The following GALNTL6 variants were observed in gnomAD, a reference collection of about 807,000 sequenced individuals.
GALNTL6 encodes the protein polypeptide N-acetylgalactosaminyltransferase-like 6.
Under a neutral mutation model 73.7 loss-of-function variants are expected in GALNTL6, and 46 were observed. That is an observed-to-expected ratio of 0.62 (90% confidence interval 0.49 to 0.80). The LOEUF (loss-of-function observed/expected upper bound fraction) is 0.80. Ranked by LOEUF, GALNTL6 falls within the 30% of genes least tolerant of loss-of-function variation. The probability of loss-of-function intolerance (pLI) is 0.00; values close to 1 mark genes in which losing one functional copy is unlikely to be tolerated. For synonymous variants in GALNTL6, 259 were observed against 263.7 expected (o/e 0.98, Z 0.17); for missense variants, 604 against 755.0 (o/e 0.80, Z 2.34).
intron 5 of GALNTL6, among the ~76,000 whole-genome samples, chr4:172,714,282 T>C (rs1197657598): frequency 6.8e-6 from 1 of 147,472 alleles, no homozygotes; most frequent in Non-Finnish European, 1.5e-5. Context: ...TCAGTTATAA[T>C]TTTACAGTGG....
At chr4:172,275,506 C>T (rs557497809) in intron 3 of GALNTL6, among the ~76,000 whole-genome samples, 8 of 152,202 alleles carry the variant, frequency 5.3e-5, no homozygotes, top group African/African-American at 1.9e-4. Context: ...TAGTACCTAC[C>T]TTAGGGGTTT....
chr4:171,948,259 A>G (rs749698136), intron 2 of GALNTL6, among the ~76,000 whole-genome samples: 3 of 152,192 alleles, frequency 2.0e-5, no homozygotes, highest in Non-Finnish European at 2.9e-5. Flanking sequence ...ACTTTGGGGT[A>G]TGAGTCTGCG....
At chr4:172,594,479 T>C (rs755427113) in intron 5 of GALNTL6, among the ~76,000 whole-genome samples, 3 of 152,206 alleles carry the variant, frequency 2.0e-5, no homozygotes, top group Admixed American at 6.5e-5. Context: ...AATATTTCCA[T>C]AAAGTATGGA....
At chr4:172,061,686 CA>C (rs1731204566) in intron 2 of GALNTL6, among the ~76,000 whole-genome samples, 1 of 151,910 alleles carries the variant, frequency 6.6e-6, no homozygotes. Context: ...GTTACCTACC[CA>C]TTGTATACTA....
intron 2 of GALNTL6, among the ~76,000 whole-genome samples, chr4:172,125,166 G>C (rs902528539): frequency 1.3e-5 from 2 of 152,124 alleles, no homozygotes; most frequent in African/African-American, 4.8e-5. Flanking sequence ...CATAAAGTTA[G>C]ATAAAGCAAA....
chr4:171,923,826 G>GTGTGTGTGTT, intron 2 of GALNTL6, among the ~76,000 whole-genome samples: 1 of 144,928 alleles, frequency 6.9e-6, no homozygotes, highest in African/African-American at 2.5e-5. Context: ...GTGTGTGTGT[G>GTGTGTGTGTT]TTTGAAGTTC....
intron 3 of GALNTL6, among the ~76,000 whole-genome samples, chr4:172,269,984 C>T (rs1267684142): frequency 6.6e-6 from 1 of 152,144 alleles, no homozygotes; most frequent in Non-Finnish European, 1.5e-5. Context: ...AATCCGCCCA[C>T]CTCGGCCTCC....
At chr4:172,378,655 C>A (rs1359602816) in intron 5 of GALNTL6, among the ~76,000 whole-genome samples, 4 of 151,916 alleles carry the variant, frequency 2.6e-5, no homozygotes, top group African/African-American at 9.7e-5. Context: ...AGTTACTACT[C>A]TAGAAGTTTT....
chr4:172,893,093 C>A (rs553209959), intron 8 of GALNTL6, among the ~76,000 whole-genome samples: 3 of 152,186 alleles, frequency 2.0e-5, no homozygotes, highest in African/African-American at 7.2e-5. Context: ...CTCACACTTA[C>A]CCAACCCAGT....
At chr4:172,189,022 C>A (rs544068823) in intron 2 of GALNTL6, among the ~76,000 whole-genome samples, 1 of 152,262 alleles carries the variant, frequency 6.6e-6, no homozygotes, top group Admixed American at 6.5e-5. Context: ...AGTATTATCA[C>A]CAAAAGCACA....
intron 5 of GALNTL6, among the ~76,000 whole-genome samples, chr4:172,788,947 A>G (rs1739838363): frequency 1.3e-5 from 2 of 152,202 alleles, no homozygotes; most frequent in African/African-American, 4.8e-5. Flanking sequence ...GATACACTGT[A>G]TTGAAAAAAA....
intron 2 of GALNTL6, among the ~76,000 whole-genome samples, chr4:171,973,818 T>C (rs1739641207): frequency 6.6e-6 from 1 of 152,146 alleles, no homozygotes; most frequent in South Asian, 2.1e-4. Flanking sequence ...GTTTGTCACT[T>C]ATATGGTACC....
intron 5 of GALNTL6, among the ~76,000 whole-genome samples, chr4:172,552,696 A>G (rs1342810831): frequency 1.3e-5 from 2 of 151,410 alleles, no homozygotes; most frequent in South Asian, 4.2e-4. Context: ...TTAAAAACTT[A>G]CGTGTGAGAG....
At chr4:172,835,546 G>T (rs941341313) in intron 7 of GALNTL6, among the ~76,000 whole-genome samples, 1 of 152,172 alleles carries the variant, frequency 6.6e-6, no homozygotes, top group South Asian at 2.1e-4. Flanking sequence ...TTAAAATGTG[G>T]ATTTTATTCT....
chr4:172,922,016 G>T (rs1380454338), intron 8 of GALNTL6, among the ~76,000 whole-genome samples: 2 of 152,098 alleles, frequency 1.3e-5, no homozygotes, highest in Non-Finnish European at 2.9e-5. Context: ...GTTGTGGGAG[G>T]GACCCAGGGG....
At chr4:172,801,611 A>G (rs1039331503) in intron 5 of GALNTL6, among the ~76,000 whole-genome samples, 2 of 152,192 alleles carry the variant, frequency 1.3e-5, no homozygotes, top group African/African-American at 4.8e-5. Flanking sequence ...CACACAGGGC[A>G]CTAGGTCTGG....
chr4:171,884,642 GAC>G (rs1429486321), intron 2 of GALNTL6, among the ~76,000 whole-genome samples: 3 of 152,076 alleles, frequency 2.0e-5, no homozygotes, highest in Admixed American at 6.6e-5. Flanking sequence ...TATACATGTA[GAC>G]ACACACAGTT....
chr4:172,298,026 A>G (rs1252186867), intron 3 of GALNTL6, among the ~76,000 whole-genome samples: 1 of 151,960 alleles, frequency 6.6e-6, no homozygotes, highest in Non-Finnish European at 1.5e-5. Flanking sequence ...CTTTTATTTC[A>G]TTGAGCAGTG....
intron 2 of GALNTL6, among the ~76,000 whole-genome samples, chr4:172,006,674 T>G (rs1490313923): frequency 2.6e-5 from 4 of 151,842 alleles, no homozygotes; most frequent in Non-Finnish European, 5.9e-5. Context: ...GATGCAACAA[T>G]TGAAGTAAAA....
Sources: allele counts gnomAD v4.1 joint callset (sites outside exome capture counted in the v4.1 genomes callset), GRCh38; gene constraint gnomAD v4.1.1; transcripts MANE v1.5; gene names NCBI Gene and HGNC (gene_info 2026-07-23, HGNC 2026-07-21).